The following EHBP1 variants were observed in gnomAD, a reference collection of about 807,000 sequenced individuals.
EHBP1 encodes the protein EH domain binding protein 1.
EHBP1 carries 55 observed loss-of-function variants against 144.0 expected under a neutral mutation model. The observed-to-expected ratio is 0.38, with a 90% confidence interval of 0.31 to 0.48. EHBP1 has a LOEUF of 0.48. EHBP1 is among the 20% of genes least tolerant of loss of function. The pLI, the probability that EHBP1 is intolerant of heterozygous loss-of-function variation, is 0.98. For synonymous variants in EHBP1, 469 were observed against 472.7 expected (o/e 0.99, Z 0.10); for missense variants, 1,200 against 1,364.2 (o/e 0.88, Z 1.90).
chr2:62,896,681 T>C (rs912235329), intron 10 of EHBP1, among the ~76,000 whole-genome samples: 13 of 137,450 alleles, frequency 9.5e-5, no homozygotes, highest in Admixed American at 8.1e-4. Context: ...AGCCCATCTT[T>C]AAAAAAAAAA....
Position 62,707,176 on chromosome 2 carries a change from G to A in EHBP1, c.-16G>A, listed in dbSNP as rs370041943. 12 of 1,609,794 alleles carry A rather than the reference G, an allele frequency of 7.5e-6. No homozygotes were observed. The highest frequency in any genetic ancestry group is 1.7e-5 in the Admixed American group (1 of 60,016). ...ATTGCTAACCCAGAACTGCTCCAGTGTCTTGACTGATCATCATGGCTTCAG... is the reference window on the plus strand; with the variant it reads ...ATTGCTAACCCAGAACTGCTCCAGTATCTTGACTGATCATCATGGCTTCAG... On this transcript the variant is annotated 5_prime_UTR_variant, in exon 2 of 23. Coordinates refer to ENST00000431489, the MANE Select transcript of EHBP1 (RefSeq NM_001142616.3).
intron 10 of EHBP1, among the ~76,000 whole-genome samples, chr2:62,928,283 G>A (rs1187990388): frequency 6.6e-6 from 1 of 152,098 alleles, no homozygotes. Context: ...GTGCTAACCC[G>A]ATGGCCTAGC....
intron 5 of EHBP1, among the ~76,000 whole-genome samples, chr2:62,802,944 C>T (rs528457008): frequency 4.6e-4 from 70 of 152,158 alleles, no homozygotes; most frequent in Non-Finnish European, 5.4e-4. Context: ...AGGCTGGTCT[C>T]GAACTCCTGA....
rs529808407 is a variant in EHBP1 at position 62,894,919 on chromosome 2, C to A, written c.1185+20387C>A. Among the ~76,000 whole-genome samples the A allele has an allele frequency of 5.5e-4, 38 of 69,368 alleles. No homozygotes were observed. In the South Asian group the frequency reaches 0.017, roughly 30 times the overall value. The allele number at this position is 69,368 out of a possible 152,430, so 45.5% of individuals were successfully genotyped here. On this transcript the variant is annotated intron_variant, in intron 10 of 22. Coordinates refer to ENST00000431489, the MANE Select transcript of EHBP1 (RefSeq NM_001142616.3). ...GCTGACAGCAAGACCCTAGCAAAAA[C>A]AGAAAGAAAGAGAGAGAGAGAGAGA...
At chr2:62,816,214 A>C (rs985524969) in intron 5 of EHBP1, among the ~76,000 whole-genome samples, 1 of 152,194 alleles carries the variant, frequency 6.6e-6, no homozygotes, top group African/African-American at 2.4e-5. Context: ...CTGTCTGTCA[A>C]ACCAGACTTT....
At chr2:62,859,473 C>G (rs1368665188) in intron 8 of EHBP1, among the ~76,000 whole-genome samples, 182 bp downstream of exon 8, 1 of 152,162 alleles carries the variant, frequency 6.6e-6, no homozygotes, top group Non-Finnish European at 1.5e-5. Context: ...TATGGAATGG[C>G]TTTTAAAGAA....
At chr2:62,783,453 C>T (rs1182585427) in intron 5 of EHBP1, among the ~76,000 whole-genome samples, 7 of 152,258 alleles carry the variant, frequency 4.6e-5, no homozygotes, top group Admixed American at 1.3e-4. Flanking sequence ...GGCTCTGCCC[C>T]TGCAGCAAAC....
intron 14 of EHBP1, chr2:62,965,153 T>G (rs1048329214): frequency 3.3e-5 from 5 of 152,438 alleles, no homozygotes; most frequent in Admixed American, 1.3e-4. Flanking sequence ...CTTGAGTGTT[T>G]CTGACCTTCT....
At chr2:62,924,809 C>A (rs754426411) in intron 10 of EHBP1, among the ~76,000 whole-genome samples, 1 of 152,184 alleles carries the variant, frequency 6.6e-6, no homozygotes, top group Admixed American at 6.5e-5. Flanking sequence ...TCAAACTACT[C>A]CAAAGAATGG....
At chr2:62,905,645 T>C (rs1049318436) in intron 10 of EHBP1, among the ~76,000 whole-genome samples, 4 of 151,870 alleles carry the variant, frequency 2.6e-5, no homozygotes, top group African/African-American at 9.7e-5. Context: ...GGCAACATGG[T>C]GAAACCCCAT....
chr2:62,715,708 T>C (rs183548799), intron 2 of EHBP1, among the ~76,000 whole-genome samples: 33 of 152,254 alleles, frequency 2.2e-4, no homozygotes, highest in South Asian at 6.2e-4. Context: ...GGAATGACGA[T>C]TTTCAACTAT....
chr2:62,902,853 G>A (rs1412159519), intron 10 of EHBP1, among the ~76,000 whole-genome samples: 1 of 151,980 alleles, frequency 6.6e-6, no homozygotes, highest in East Asian at 1.9e-4. Flanking sequence ...AAAAATAGTT[G>A]GTTTATTTTA....
chr2:63,028,943 CT>C (rs940182400), intron 19 of EHBP1, among the ~76,000 whole-genome samples: 5 of 152,148 alleles, frequency 3.3e-5, no homozygotes, highest in African/African-American at 1.2e-4. Flanking sequence ...TGTTGTCATT[CT>C]TTTCTTCAAA....
intron 5 of EHBP1, among the ~76,000 whole-genome samples, chr2:62,773,128 G>A (rs945612316): frequency 2.0e-5 from 3 of 152,092 alleles, no homozygotes; most frequent in Non-Finnish European, 4.4e-5. Context: ...TATATCAAAA[G>A]GATGAGTTTA....
chr2:62,971,829 T>A (rs765751783), intron 14 of EHBP1, among the ~76,000 whole-genome samples: 1 of 152,178 alleles, frequency 6.6e-6, no homozygotes, highest in Non-Finnish European at 1.5e-5. Context: ...CTCCCAAAAC[T>A]ACGGCTTCTA....
chr2:62,790,584 T>C (rs2043106968), intron 5 of EHBP1, among the ~76,000 whole-genome samples: 1 of 152,196 alleles, frequency 6.6e-6, no homozygotes, highest in Admixed American at 6.5e-5. Flanking sequence ...TAAACACTTG[T>C]TGTGTTGTAA....
chr2:62,895,280 T>C (rs1391856674), intron 10 of EHBP1, among the ~76,000 whole-genome samples: 2 of 124,444 alleles, frequency 1.6e-5, no homozygotes, highest in African/African-American at 6.6e-5. Flanking sequence ...GTAAATTCTA[T>C]CATCATCATC....
chr2:62,763,555 A>G (rs1222419593), intron 3 of EHBP1, among the ~76,000 whole-genome samples: 1 of 152,160 alleles, frequency 6.6e-6, no homozygotes, highest in Non-Finnish European at 1.5e-5. Context: ...ACAGTCCTGT[A>G]GCCAATAGAG....
At chr2:62,736,192 C>T (rs1419218653) in intron 2 of EHBP1, among the ~76,000 whole-genome samples, 3 of 91,344 alleles carry the variant, frequency 3.3e-5, no homozygotes, top group African/African-American at 1.2e-4. Context: ...ATATTCTATT[C>T]TGTTTTTTTT....
Sources: allele counts gnomAD v4.1 joint callset (sites outside exome capture counted in the v4.1 genomes callset), GRCh38; gene constraint gnomAD v4.1.1; transcripts MANE v1.5; gene names NCBI Gene and HGNC (gene_info 2026-07-23, HGNC 2026-07-21).